The following OSBPL10 variants were observed in gnomAD, a reference collection of about 807,000 sequenced individuals.
OSBPL10 encodes the protein oxysterol binding protein like 10.
A neutral mutation model predicts 81.7 loss-of-function variants in OSBPL10; 49 were observed. The observed-to-expected ratio is 0.60, with a 90% CI of 0.48 to 0.76. The LOEUF (loss-of-function observed/expected upper bound fraction) is 0.76, where lower values mean the gene tolerates loss of function less well. OSBPL10 is among the 30% of genes least tolerant of loss of function. The pLI, the probability that OSBPL10 is intolerant of heterozygous loss-of-function variation, is 0.00. For missense variants in OSBPL10, 923 were observed against 987.8 expected (o/e 0.93, Z 0.88); for synonymous variants, 419 against 383.6 (o/e 1.09, Z -1.08).
At chr3:31,980,165 G>A (rs1045312534) in intron 1 of OSBPL10, among the ~76,000 whole-genome samples, 1 of 151,914 alleles carries the variant, frequency 6.6e-6, no homozygotes, top group Non-Finnish European at 1.5e-5. Context: ...GCCACGCCCG[G>A]CTAATTTTTT....
intron 6 of OSBPL10, among the ~76,000 whole-genome samples, chr3:31,721,099 G>A (rs143247643): frequency 2.6e-5 from 4 of 152,220 alleles, no homozygotes; most frequent in African/African-American, 9.6e-5. Flanking sequence ...GTCAGAGGGA[G>A]ATGGGACTAC....
At chr3:31,747,008 C>G (rs1052353294) in intron 5 of OSBPL10, among the ~76,000 whole-genome samples, 2 of 152,036 alleles carry the variant, frequency 1.3e-5, no homozygotes, top group Non-Finnish European at 2.9e-5. Flanking sequence ...GAATGGGGAG[C>G]TTTTGCCTTA....
chr3:32,023,724 G>C (rs927914083), intron 2 of OSBPL10, among the ~76,000 whole-genome samples: 5 of 152,282 alleles, frequency 3.3e-5, no homozygotes, highest in South Asian at 2.1e-4. Flanking sequence ...CCTTACAATA[G>C]TTTCTTCTCA....
intron 4 of OSBPL10, among the ~76,000 whole-genome samples, chr3:31,819,163 CAGG>C (rs1209962866): frequency 2.6e-5 from 4 of 152,156 alleles, no homozygotes; most frequent in African/African-American, 9.7e-5. Flanking sequence ...GTAGGATGGA[CAGG>C]AGAACTTTTT....
At chr3:31,724,401 CA>C (rs1232568136) in intron 6 of OSBPL10, among the ~76,000 whole-genome samples, 2 of 152,004 alleles carry the variant, frequency 1.3e-5, no homozygotes, top group African/African-American at 4.8e-5. Flanking sequence ...AGAAGGAAGG[CA>C]ATACTGTGAA....
At chr3:31,930,607 T>C (rs1426627730) in intron 1 of OSBPL10, among the ~76,000 whole-genome samples, 1 of 152,176 alleles carries the variant, frequency 6.6e-6, no homozygotes, top group East Asian at 1.9e-4. Flanking sequence ...AGTAAATCCA[T>C]ACAAGGTACA....
chr3:31,918,665 G>A (rs1156391468), intron 1 of OSBPL10, among the ~76,000 whole-genome samples: 1 of 152,158 alleles, frequency 6.6e-6, no homozygotes, highest in Admixed American at 6.5e-5. Context: ...AGCAAAGTCA[G>A]TGTATGGGGT....
At chr3:31,802,100 G>A (rs1299184217) in intron 4 of OSBPL10, among the ~76,000 whole-genome samples, 1 of 151,106 alleles carries the variant, frequency 6.6e-6, no homozygotes. Context: ...TGGGATTACA[G>A]GCACGAGCCA....
chr3:31,771,289 CA>C (rs1246915992), intron 4 of OSBPL10, among the ~76,000 whole-genome samples: 1 of 152,114 alleles, frequency 6.6e-6, no homozygotes, highest in Non-Finnish European at 1.5e-5. Flanking sequence ...GCTATTGTGG[CA>C]GGCCAGGTCT....
chr3:32,013,805 T>C (rs1699284412), intron 2 of OSBPL10, among the ~76,000 whole-genome samples: 1 of 152,194 alleles, frequency 6.6e-6, no homozygotes, highest in Non-Finnish European at 1.5e-5. Context: ...CATCAGAGAA[T>C]ACTATAAACA....
chr3:31,696,205 C>T (rs1027507874), intron 7 of OSBPL10, among the ~76,000 whole-genome samples: 2 of 152,290 alleles, frequency 1.3e-5, no homozygotes, highest in African/African-American at 4.8e-5. Flanking sequence ...GCCAACTCCC[C>T]TTCCATGCAC....
intron 1 of OSBPL10, among the ~76,000 whole-genome samples, chr3:31,921,280 C>G (rs1696905277): frequency 6.6e-6 from 1 of 151,952 alleles, no homozygotes; most frequent in Admixed American, 6.5e-5. Flanking sequence ...AAAATGATAA[C>G]CCCATGGCAA....
At chr3:31,906,642 G>A (rs1475485407) in intron 1 of OSBPL10, among the ~76,000 whole-genome samples, 1 of 152,176 alleles carries the variant, frequency 6.6e-6, no homozygotes, top group Non-Finnish European at 1.5e-5. Flanking sequence ...CCATGTTGAT[G>A]AATTAATCTT....
intron 3 of OSBPL10, among the ~76,000 whole-genome samples, chr3:31,868,596 G>A (rs991244965): frequency 6.6e-6 from 1 of 151,858 alleles, no homozygotes; most frequent in African/African-American, 2.4e-5. Flanking sequence ...ATTACACTTC[G>A]TGTACAAGTC....
intron 1 of OSBPL10, among the ~76,000 whole-genome samples, chr3:31,942,406 G>GGGCACCTGTAATCCCAGCTACAAGTA (rs71295037): frequency 0.21 from 31,892 of 150,512 alleles, 4,000 homozygotes; most frequent in Non-Finnish European, 0.29. Context: ...GCTGGGTGGC[G>GGGCACCTGTAATCCCAGCTACAAGTA]GGCACCTGTA....
chr3:31,972,434 A>C (rs572726761), intron 1 of OSBPL10, among the ~76,000 whole-genome samples: 2 of 152,320 alleles, frequency 1.3e-5, no homozygotes, highest in South Asian at 4.1e-4. Context: ...ACTCTACTTA[A>C]CAACCAAAAA....
At chr3:31,725,698 T>C (rs1409976791) in intron 6 of OSBPL10, among the ~76,000 whole-genome samples, 11 of 152,210 alleles carry the variant, frequency 7.2e-5, no homozygotes, top group Admixed American at 3.9e-4. Context: ...CACAGCAGCA[T>C]ATGTAAGTCA....
chr3:31,708,730 C>T (rs1367347822), intron 6 of OSBPL10: 1 of 985,276 alleles, frequency 1.0e-6, no homozygotes, highest in Non-Finnish European at 1.2e-6. Context: ...TTCCCACACA[C>T]TGCACAGGTG....
At chr3:31,730,741 ACT>A (rs1267470824) in intron 6 of OSBPL10, among the ~76,000 whole-genome samples, 1 of 152,228 alleles carries the variant, frequency 6.6e-6, no homozygotes, top group Non-Finnish European at 1.5e-5. Flanking sequence ...AAAATGCGTT[ACT>A]GTTTCAGATG....
Sources: allele counts gnomAD v4.1 joint callset (sites outside exome capture counted in the v4.1 genomes callset), GRCh38; gene constraint gnomAD v4.1.1; transcripts MANE v1.5; gene names NCBI Gene and HGNC (gene_info 2026-07-23, HGNC 2026-07-21).